Variants in MDN1 observed in about 807,000 individuals in gnomAD.
MDN1 encodes midasin AAA ATPase 1.
A neutral mutation model predicts 669.2 loss-of-function variants in MDN1; 266 were observed. The observed-to-expected ratio is 0.40, with a 90% CI of 0.36 to 0.44. MDN1 has a LOEUF of 0.44. Ranked by LOEUF, MDN1 falls within the 20% of genes least tolerant of loss-of-function variation. The pLI is 1.00. For missense variants in MDN1, 5,940 were observed against 6,754.0 expected (o/e 0.88, Z 4.22); for synonymous variants, 2,385 against 2,457.1 (o/e 0.97, Z 0.87).
chr6:89,717,865 C>A (rs1399766830), intron 43 of MDN1, among the ~76,000 whole-genome samples: 1 of 152,136 alleles, frequency 6.6e-6, no homozygotes, highest in Non-Finnish European at 1.5e-5. Context: ...AGCCTGTGGG[C>A]CTTTAGGTTG....
At chr6:89,678,498 C>A in intron 75 of MDN1, 101 bp downstream of exon 75, 1 of 1,368,342 alleles carries the variant, frequency 7.3e-7, no homozygotes. Context: ...TGTTGTCCAC[C>A]ATCTCAACTG....
intron 73 of MDN1, 48 bp downstream of exon 73, chr6:89,683,084 C>T: frequency 6.3e-7 from 1 of 1,586,884 alleles, no homozygotes; most frequent in Non-Finnish European, 8.6e-7. Flanking sequence ...ACACAGATCC[C>T]ACTTGACTGG....
At chr6:89,739,196 T>C (rs1816159805) in intron 32 of MDN1, among the ~76,000 whole-genome samples, 1 of 152,184 alleles carries the variant, frequency 6.6e-6, no homozygotes, top group Non-Finnish European at 1.5e-5. Context: ...TCCAGCATCC[T>C]ACCTTGCTCT....
Position 89,694,096 on chromosome 6 carries a change from T to C in MDN1, c.9859A>G (p.Ser3287Gly), listed in dbSNP as rs1055499682. 1 of 1,614,202 alleles carries C rather than the reference T, an allele frequency of 6.2e-7. No individual in the cohort carries two copies. Among genetic ancestry groups the C allele is most frequent in the South Asian group, 1.1e-5 (1 of 91,080 alleles). ...GRDLEDEVVV[S>G]YSHPHVRLLR... ...TACCTGACGTGAGGATGAGAGTAGC[T>C]GACAACGACTTCATCTTCCAGGTCT... The change falls in exon 62 of 102, where the codon AGC (serine) becomes GGC (glycine). Residue 3287 changes from serine to glycine, a missense_variant. Transcript: ENST00000369393.
Position 89,758,271 on chromosome 6 carries a change from G to A in MDN1, c.2686C>T (p.Pro896Ser). ...AACCCTCACCTGTTTCTTATTCCTG[G>A]TGGGAGATTTCTTTTGCCTACATCA... is the stretch of plus-strand genomic sequence containing the variant. ...ATDVGKRNLPPGIRNRFTELY... is the reference protein window; with the variant it reads ...ATDVGKRNLPSGIRNRFTELY... Residue 896 changes from proline to serine, a missense_variant, in exon 19 of 102, where the codon CCA (proline) becomes TCA (serine). Coordinates refer to ENST00000369393, the MANE Select transcript of MDN1 (RefSeq NM_014611.3). 4 of 1,610,312 alleles carry A rather than the reference G, an allele frequency of 2.5e-6. No homozygotes were observed. The highest frequency in any genetic ancestry group is 3.4e-6 in the Non-Finnish European group (4 of 1,177,872).
chr6:89,695,956 G>A lies in MDN1; in HGVS notation c.9420C>T (p.Phe3140=), dbSNP rs753307574. 7 of 1,611,174 alleles carry A rather than the reference G, an allele frequency of 4.3e-6. No individual in the cohort carries two copies. In the Admixed American group the frequency reaches 6.7e-5, roughly 15 times the overall value. ...TDSQLQGQVL[F]RHLAGLAELL... is the part of the protein sequence containing the mutation. Reference sequence around the variant, plus strand: ...GCTCTGCTAGGCCTGCCAGGTGCCGGAACAGCACCTGCCCCTGGAGTTGGG... The same window carrying A: ...GCTCTGCTAGGCCTGCCAGGTGCCGAAACAGCACCTGCCCCTGGAGTTGGG... Residue 3140 remains phenylalanine (F), a synonymous_variant, in exon 61 of 102, where the codon TTC becomes TTT. Coordinates refer to ENST00000369393, the MANE Select transcript of MDN1 (RefSeq NM_014611.3). The surrounding 1 kb of genome is among the most constrained non-coding windows in gnomAD (Gnocchi z 4.1).
In MDN1 at chr6:89,655,803, T is replaced by A. The variant is rs1394180594; in HGVS notation, c.15451A>T (p.Ile5151Phe). The A allele has an allele frequency of 3.1e-6, 5 of 1,613,420 alleles. No individual in the cohort carries two copies. Among genetic ancestry groups the A allele is most frequent in the Non-Finnish European group, 4.2e-6 (5 of 1,179,772 alleles). Residue 5151 changes from isoleucine to phenylalanine, a missense_variant, in exon 92 of 102, where the codon ATT becomes TTT. Physicochemically the swap from Ile to Phe is conservative, Grantham distance 21. This residue lies in a region of MDN1 where 2,280 missense variants were observed against 2,576.3 expected (regional missense o/e 0.88). Coordinates refer to ENST00000369393, the MANE Select transcript of MDN1 (RefSeq NM_014611.3). The stretch of plus-strand genomic sequence containing the variant: ...TCGTATGCGTCACTGCCTTGTTTAA[T>A]GTGCTCGAATGCATCTGCATCCTCC... ...QVEDADAFEH[I>F]KQGSDAYDAQ...
rs748461041 is a variant in MDN1, at chr6:89,644,119, T to G, written c.16677A>C (p.Glu5559Asp). 3 of 1,614,028 alleles carry G rather than the reference T, an allele frequency of 1.9e-6. No individual in the cohort carries two copies. The African/African-American group carries it at 4.0e-5, about 22-fold the overall frequency. Residue 5559 changes from glutamate to aspartate, a missense_variant, in exon 102 of 102, where the codon GAA (glutamate) becomes GAC (aspartate). By Grantham distance (45) the Glu-to-Asp change is conservative. Transcript: ENST00000369393. ...GEMPEIRSYM[E>D]EFPFPYYIIL... ...TGATATAGTATGGGAATGGGAACTCTTCCATGTAGGATCGGATTTCAGGCA... is the reference window on the plus strand; with the variant it reads ...TGATATAGTATGGGAATGGGAACTCGTCCATGTAGGATCGGATTTCAGGCA...
intron 3 of MDN1, 103 bp downstream of exon 3, chr6:89,794,474 A>T (rs1314314560): frequency 8.6e-7 from 1 of 1,165,762 alleles, no homozygotes; most frequent in Non-Finnish European, 1.2e-6. Flanking sequence ...AACAAAAATA[A>T]CAAATTTTAA....
rs777285898 is a variant in MDN1 at position 89,745,675 on chromosome 6, C to T, written c.3905-49G>A. On this transcript the variant is annotated intron_variant, in intron 27 of 101. Coordinates refer to ENST00000369393, the MANE Select transcript of MDN1 (RefSeq NM_014611.3). Reference sequence around the variant, plus strand: ...AGGAGAGGAATCATCAAGTGTCTACCGGGAACACCAAGGGATATGGAGAAT... The same window carrying T: ...AGGAGAGGAATCATCAAGTGTCTACTGGGAACACCAAGGGATATGGAGAAT... The T allele has an allele frequency of 3.1e-5, 48 of 1,564,114 alleles. No individual in the cohort carries two copies. The East Asian group carries it at 3.6e-4, about 12-fold the overall frequency.
chr6:89,769,348 T>C (rs1817970529), intron 15 of MDN1, among the ~76,000 whole-genome samples: 1 of 152,204 alleles, frequency 6.6e-6, no homozygotes, highest in African/African-American at 2.4e-5. Flanking sequence ...TATTTAAATC[T>C]CTTTGTAGTA....
intron 35 of MDN1, among the ~76,000 whole-genome samples, chr6:89,730,081 A>G (rs1164241559): frequency 6.6e-6 from 1 of 152,206 alleles, no homozygotes; most frequent in African/African-American, 2.4e-5. Context: ...ACATCCTGAA[A>G]AAGTAGAAGC....
chr6:89,696,057 A>G, intron 60 of MDN1, 65 bp from the exon 61 acceptor site: 1 of 1,511,352 alleles, frequency 6.6e-7, no homozygotes, highest in Non-Finnish European at 8.9e-7. Flanking sequence ...CTTTTCATAC[A>G]GTATAATTCT....
At chr6:89,729,190 C>T (rs1815419859) in intron 35 of MDN1, 51 bp from the exon 36 acceptor site, 1 of 1,421,542 alleles carries the variant, frequency 7.0e-7, no homozygotes, top group Non-Finnish European at 9.7e-7. Context: ...CATCAAATCA[C>T]ATGTATGCAT....
Position 89,662,921 on chromosome 6 carries a change from T to G in MDN1, c.14283A>C (p.Lys4761Asn). 6.2e-7 allele frequency: 1 copy of G among 1,614,106 alleles called. No individual in the cohort carries two copies. Among genetic ancestry groups the G allele is most frequent in the South Asian group, 1.1e-5 (1 of 91,076 alleles). Reference protein sequence around the residue: ...KSDSEGGDLDKHMGDLNGEEA... With the variant: ...KSDSEGGDLDNHMGDLNGEEA... Reference sequence around the variant, plus strand: ...CCTCACCATTGAGATCGCCCATGTGTTTATCCAGGTCTCCGCCCTCACTAT... The same window carrying G: ...CCTCACCATTGAGATCGCCCATGTGGTTATCCAGGTCTCCGCCCTCACTAT... The change falls in exon 86 of 102, where the codon AAA becomes AAC. Residue 4761 changes from lysine to asparagine, a missense_variant. Lys to Asn is a moderately conservative substitution (Grantham distance 94). Around this residue, in one of 5 missense-constraint regions of MDN1, gnomAD observed 2,280 missense variants for 2,576.3 expected, o/e 0.88. Coordinates refer to ENST00000369393, the MANE Select transcript of MDN1 (RefSeq NM_014611.3).
intron 7 of MDN1, among the ~76,000 whole-genome samples, chr6:89,789,027 G>A (rs1819115184): frequency 6.6e-6 from 1 of 152,306 alleles, no homozygotes; most frequent in African/African-American, 2.4e-5. Flanking sequence ...AGGAGGCTGA[G>A]GCAGGAGAAT....
rs1816665220 is a variant in MDN1, at chr6:89,746,869, T to G, written c.3904+460A>C. 2.6e-5 allele frequency among the ~76,000 whole-genome samples: 4 copies of G among 152,152 alleles called. No homozygotes were observed. In the South Asian group the frequency reaches 8.3e-4, roughly 31 times the overall value. On this transcript the variant is annotated intron_variant, in intron 27 of 101. Coordinates refer to ENST00000369393, the MANE Select transcript of MDN1 (RefSeq NM_014611.3). ...ACACTGTGTATCCTATCACAAACAG[T>G]AACAAATTTTTCCCATGCATTAAAG...
At chr6:89,742,594 T>G (rs368690282) in intron 31 of MDN1, among the ~76,000 whole-genome samples, 8 of 152,272 alleles carry the variant, frequency 5.3e-5, no homozygotes, top group Admixed American at 3.3e-4. Flanking sequence ...GATTATAAAC[T>G]TACTAAAACT....
rs759969868 is a variant in MDN1 at position 89,771,608 on chromosome 6, C to T, written c.2097G>A (p.Arg699=). The change falls in exon 15 of 102, where the codon AGG becomes AGA. Residue 699 remains arginine, a synonymous_variant. Coordinates refer to ENST00000369393, the MANE Select transcript of MDN1 (RefSeq NM_014611.3). Reference sequence around the variant, plus strand: ...CACTTTGTTGATTCATATTGACAACCCTCAAACGGTGGCCTTTTATAAAGA... The same window carrying T: ...CACTTTGTTGATTCATATTGACAACTCTCAAACGGTGGCCTTTTATAAAGA... ...YLAHITGHRL[R]VVNMNQQSDT... 8.1e-6 allele frequency: 13 copies of T among 1,613,846 alleles called. No homozygotes were observed. Among genetic ancestry groups the T allele is most frequent in the African/African-American group, 1.3e-5 (1 of 75,004 alleles).
Sources: allele counts gnomAD v4.1 joint callset (sites outside exome capture counted in the v4.1 genomes callset), GRCh38; gene constraint gnomAD v4.1.1; regional missense constraint gnomAD v4.1.1; non-coding constraint Gnocchi (gnomAD v3.1); transcripts MANE v1.5; gene names NCBI Gene and HGNC (gene_info 2026-07-23, HGNC 2026-07-21).